The following SNX2 variants were observed in gnomAD, a reference collection of about 807,000 sequenced individuals.
The protein encoded by SNX2 is sorting nexin-2.
Under a neutral mutation model 69.9 loss-of-function variants are expected in SNX2, and 25 were observed. The observed-to-expected ratio is 0.36, with a 90% CI of 0.26 to 0.50. The LOEUF (loss-of-function observed/expected upper bound fraction) is 0.50, where lower values mean the gene tolerates loss of function less well. SNX2 is among the 20% of genes least tolerant of loss of function. The pLI is 0.97. For synonymous variants in SNX2, 229 were observed against 200.4 expected (o/e 1.14, Z -1.20); for missense variants, 551 against 613.3 (o/e 0.90, Z 1.07).
At chr5:122,804,926 CTTAGA>C (rs2150009531) in intron 6 of SNX2, among the ~76,000 whole-genome samples, 1 of 152,082 alleles carries the variant, frequency 6.6e-6, no homozygotes, top group Non-Finnish European at 1.5e-5. Flanking sequence ...TTTCTTTATA[CTTAGA>C]TTAATCTGAA....
chr5:122,806,092 TTA>T (rs1025937161), intron 6 of SNX2, among the ~76,000 whole-genome samples: 8 of 89,418 alleles, frequency 8.9e-5, no homozygotes, highest in Non-Finnish European at 1.6e-4. Context: ...TTTAAAACTT[TTA>T]TGTGTGTGTG....
chr5:122,779,094 C>T (rs139875170), intron 1 of SNX2, among the ~76,000 whole-genome samples: 2,184 of 151,552 alleles, frequency 0.014, 34 homozygotes, highest in Non-Finnish European at 0.023. Flanking sequence ...GTAGATAGTA[C>T]GTTTTAAAAA....
At chr5:122,791,558 A>G (rs995517988) in intron 1 of SNX2, among the ~76,000 whole-genome samples, 2 of 152,226 alleles carry the variant, frequency 1.3e-5, no homozygotes, top group Non-Finnish European at 2.9e-5. Flanking sequence ...CTGGGATTAT[A>G]GGCATGGGCC....
At chr5:122,795,014 C>A (rs546807408) in intron 1 of SNX2, among the ~76,000 whole-genome samples, 4 of 151,938 alleles carry the variant, frequency 2.6e-5, no homozygotes, top group Non-Finnish European at 4.4e-5. Context: ...TAGAGTGAGA[C>A]CCTGTCTCAA....
rs763044582 is a variant in SNX2 at position 122,827,467 on chromosome 5, T to C, written c.1437+8T>C. On this transcript the variant is annotated splice_region_variant and intron_variant, in intron 13 of 14. Coordinates refer to ENST00000379516, the MANE Select transcript of SNX2 (RefSeq NM_003100.4). ...GAAGTGGGAAGATTTGAGGCATGTA[T>C]AATAATTTTGCATTTATCTTAACAA... The C allele has an allele frequency of 1.6e-5, 26 of 1,612,086 alleles. No homozygotes were observed. The highest frequency in any genetic ancestry group is 2.2e-5 in the Non-Finnish European group (26 of 1,178,544).
chr5:122,804,427 G>A (rs925007828), intron 6 of SNX2, among the ~76,000 whole-genome samples: 2 of 147,746 alleles, frequency 1.4e-5, no homozygotes, highest in African/African-American at 5.1e-5. Flanking sequence ...GTGCAGTGGT[G>A]CAATCTTGGC....
chr5:122,829,047 G>A (rs1754221661), intron 14 of SNX2, among the ~76,000 whole-genome samples: 1 of 152,092 alleles, frequency 6.6e-6, no homozygotes, highest in South Asian at 2.1e-4. Context: ...GAACTGGGAG[G>A]TGGAGGTTGC....
Position 122,831,778 on chromosome 5 carries a change from T to A in SNX2, c.*2130T>A, listed in dbSNP as rs544360231. Among the ~76,000 whole-genome samples the A allele has an allele frequency of 6.6e-6, 1 of 152,328 alleles. No homozygotes were observed. Among genetic ancestry groups the A allele is most frequent in the East Asian group, 1.9e-4 (1 of 5,180 alleles). On this transcript the variant is annotated 3_prime_UTR_variant, in exon 15 of 15. Transcript: ENST00000379516. ...ACACATAGGATGGTTATTCAAGTTA[T>A]TATTAAAATCTTCCATTCAGATGTG...
chr5:122,785,234 T>G (rs1238653830), intron 1 of SNX2, among the ~76,000 whole-genome samples: 1 of 151,998 alleles, frequency 6.6e-6, no homozygotes, highest in Non-Finnish European at 1.5e-5. Context: ...CTCTGTTTTC[T>G]TTCTTCTGCT....
chr5:122,833,930 G>A lies in SNX2; in HGVS notation c.*4282G>A, dbSNP rs1016444268. 1.3e-4 allele frequency: 20 copies of A among 152,194 alleles called. No homozygotes were observed. Among genetic ancestry groups the A allele is most frequent in the Admixed American group, 4.6e-4 (7 of 15,290 alleles). 9.4% of individuals were successfully genotyped at this position (152,194 alleles called of 1,614,324 possible). A position where few individuals can be genotyped will look rare whatever the true frequency, so the allele number is the denominator to read the frequency against. Reference sequence around the variant, plus strand: ...GCATAATGTTTTGCAAGTAGTGGATGTTCAATATCTACAATAAATGAATTG... The same window carrying A: ...GCATAATGTTTTGCAAGTAGTGGATATTCAATATCTACAATAAATGAATTG... On this transcript the variant is annotated 3_prime_UTR_variant, in exon 15 of 15. Coordinates refer to ENST00000379516, the MANE Select transcript of SNX2 (RefSeq NM_003100.4).
At chr5:122,775,983 T>G (rs544988511) in intron 1 of SNX2, among the ~76,000 whole-genome samples, 7 of 152,162 alleles carry the variant, frequency 4.6e-5, no homozygotes. Flanking sequence ...TGTTCCTGTT[T>G]TTGTCAAAGG....
At chr5:122,821,455 CCTTT>C (rs1250926335) in intron 11 of SNX2, among the ~76,000 whole-genome samples, 1 of 138,128 alleles carries the variant, frequency 7.2e-6, no homozygotes. Context: ...AAGTAGATGT[CCTTT>C]TTTTTTTTTT....
chr5:122,809,464 C>T (rs59926405), intron 7 of SNX2, among the ~76,000 whole-genome samples: 1,904 of 152,322 alleles, frequency 0.012, 42 homozygotes, highest in African/African-American at 0.044. Flanking sequence ...GGAAGAACCA[C>T]ACTTCCATAA....
At chr5:122,810,917 C>G in intron 7 of SNX2, among the ~76,000 whole-genome samples, 1 of 152,170 alleles carries the variant, frequency 6.6e-6, no homozygotes, top group Non-Finnish European at 1.5e-5. Context: ...AATCTTAATT[C>G]TTCTGTGCAA....
At position 122,834,515 on chromosome 5, in the gene SNX2, A is replaced by T. The variant is rs1446416583; in HGVS notation, c.*4867A>T. 1 of 152,218 alleles carries T rather than the reference A, an allele frequency of 6.6e-6. No individual in the cohort carries two copies. Among genetic ancestry groups the T allele is most frequent in the African/African-American group, 2.4e-5 (1 of 41,456 alleles). The allele number at this position is 152,218 out of a possible 1,614,324, so 9.4% of individuals were successfully genotyped here. On this transcript the variant is annotated 3_prime_UTR_variant, in exon 15 of 15. Transcript: ENST00000379516. ...TAAATTTATACATGTAACTTTAATA[A>T]AAACTAAGTCAGACAAAATTTAACA...
At chr5:122,808,233 C>A in intron 6 of SNX2, 44 bp from the exon 7 acceptor site, 2 of 1,203,980 alleles carry the variant, frequency 1.7e-6, no homozygotes, top group Non-Finnish European at 2.4e-6. Flanking sequence ...AAGACTTTCA[C>A]AGCAATATAA....
intron 11 of SNX2, 39 bp downstream of exon 11, chr5:122,819,062 A>G (rs1440867260): frequency 1.3e-6 from 2 of 1,501,222 alleles, no homozygotes; most frequent in East Asian, 2.3e-5. Flanking sequence ...TGTGTCGTGT[A>G]CTTTAAAAAG....
intron 12 of SNX2, among the ~76,000 whole-genome samples, chr5:122,827,096 C>T (rs1030945424): frequency 3.9e-5 from 6 of 152,094 alleles, no homozygotes; most frequent in African/African-American, 1.4e-4. Flanking sequence ...AAAATCTTTC[C>T]TCTTAGTTAT....
chr5:122,829,962 A>C lies in SNX2; in HGVS notation c.*314A>C. 3.3e-6 allele frequency: 1 copy of C among 299,354 alleles called. No homozygotes were observed. The allele number at this position is 299,354 out of a possible 1,614,324, so 18.5% of individuals were successfully genotyped here. ...CACTGCAAGACCAGAAAATTTTACA[A>C]TATTTTTTCTTTACAATATGTTCTG... On this transcript the variant is annotated 3_prime_UTR_variant, in exon 15 of 15. Transcript: ENST00000379516.
Sources: gnomAD v4.1 joint callset for allele counts (sites outside exome capture counted in the v4.1 genomes callset) on GRCh38, gnomAD v4.1.1 for gene constraint, MANE v1.5 for transcripts, NCBI Gene and HGNC (gene_info 2026-07-23, HGNC 2026-07-21) for gene names.